The following CCM2 variants were observed in gnomAD, a reference collection of about 807,000 sequenced individuals.
CCM2 encodes the protein CCM2 scaffold protein.
Under a neutral mutation model 44.9 loss-of-function variants are expected in CCM2, and 25 were observed. That is an observed-to-expected ratio of 0.56 (90% CI 0.41 to 0.78). The LOEUF (loss-of-function observed/expected upper bound fraction) is 0.78. Ranked by LOEUF, CCM2 falls within the 30% of genes least tolerant of loss-of-function variation. CCM2 has a pLI of 0.00. For missense variants in CCM2, 481 were observed against 580.6 expected, an observed-to-expected ratio of 0.83 and a Z score of 1.76; for synonymous variants, 219 against 241.1, an observed-to-expected ratio of 0.91 and a Z score of 0.85.
rs397889020 is a variant in CCM2, at chr7:45,054,497, A to AC, written c.205-9420dup. On this transcript the variant is annotated intron_variant, in intron 2 of 9. Coordinates refer to ENST00000258781, the MANE Select transcript of CCM2 (RefSeq NM_031443.4). ...TTTAGGATCAATATTAAAAAAAAAA[A>AC]CACTTATATCTTGTCAGAAGTTGTT... 2.6e-5 allele frequency among the ~76,000 whole-genome samples: 4 copies of AC among 151,586 alleles called. No homozygotes were observed. In the South Asian group the frequency reaches 6.3e-4, roughly 24 times the overall value.
intron 2 of CCM2, among the ~76,000 whole-genome samples, chr7:45,054,473 T>G (rs1798159523): frequency 6.8e-6 from 1 of 146,132 alleles, no homozygotes; most frequent in Non-Finnish European, 1.5e-5. Flanking sequence ...GGAGACTGAT[T>G]TAGGATCAAT....
chr7:45,014,838 C>G (rs1209020621), intron 1 of CCM2, among the ~76,000 whole-genome samples: 3 of 149,340 alleles, frequency 2.0e-5, no homozygotes, highest in African/African-American at 2.5e-5. Flanking sequence ...GCCAGGCTGA[C>G]TGTGAACTCC....
chr7:45,073,296 C>G (rs765185386), intron 7 of CCM2, 164 bp from the exon 8 acceptor site: 8 of 651,790 alleles, frequency 1.2e-5, no homozygotes, highest in African/African-American at 1.8e-5. Flanking sequence ...AAGCTGACCA[C>G]CCTGCATGCC....
intron 8 of CCM2, 51 bp from the exon 9 acceptor site, chr7:45,074,219 C>T (rs141561098): frequency 2.0e-5 from 32 of 1,611,840 alleles, no homozygotes; most frequent in African/African-American, 1.1e-4. Flanking sequence ...GCCCGACTGC[C>T]GACTCTTGCC....
intron 1 of CCM2, among the ~76,000 whole-genome samples, chr7:45,011,795 G>A (rs117100603): frequency 0.016 from 2,481 of 152,220 alleles, 28 homozygotes; most frequent in Non-Finnish European, 0.024. Context: ...CAAGTGATCT[G>A]CCTGCCTTGG....
intron 4 of CCM2, among the ~76,000 whole-genome samples, chr7:45,067,455 G>T (rs535781489): frequency 6.6e-6 from 1 of 152,170 alleles, no homozygotes; most frequent in Non-Finnish European, 1.5e-5. Context: ...GAGCCACTGC[G>T]CCTGGCCAAT....
chr7:45,060,804 A>G (rs1263883446), intron 2 of CCM2, among the ~76,000 whole-genome samples: 3 of 152,044 alleles, frequency 2.0e-5, no homozygotes, highest in Non-Finnish European at 4.4e-5. Flanking sequence ...TAGGGTTTCC[A>G]TCTCTGCTTA....
chr7:45,011,542 G>A (rs1796067974), intron 1 of CCM2, among the ~76,000 whole-genome samples: 2 of 151,464 alleles, frequency 1.3e-5, no homozygotes, highest in Non-Finnish European at 2.9e-5. Context: ...ATTTTTTAAT[G>A]GTTGCTTTAT....
At chr7:45,011,710 C>T (rs1010787380) in intron 1 of CCM2, among the ~76,000 whole-genome samples, 3 of 152,028 alleles carry the variant, frequency 2.0e-5, no homozygotes, top group African/African-American at 7.2e-5. Context: ...CACCACTATG[C>T]CTGGCTAATT....
chr7:45,032,144 A>G (rs1156243525), intron 1 of CCM2, among the ~76,000 whole-genome samples: 1 of 152,174 alleles, frequency 6.6e-6, no homozygotes, highest in Non-Finnish European at 1.5e-5. Context: ...TCTTTACTTA[A>G]TAGTGTTAAT....
chr7:45,011,571 A>C (rs2128714242), intron 1 of CCM2, among the ~76,000 whole-genome samples: 1 of 151,142 alleles, frequency 6.6e-6, no homozygotes, highest in African/African-American at 2.4e-5. Context: ...TTATTTACTG[A>C]GATGGAGTCT....
rs564041000 is a variant in CCM2, at chr7:45,049,331, G to T, written c.204+10905G>T. ...AATTCAAATGATAACAGAGATTCTTGGTGAAAAGAAATCATGTGCACCCTC... is the reference window on the plus strand; with the variant it reads ...AATTCAAATGATAACAGAGATTCTTTGTGAAAAGAAATCATGTGCACCCTC... On this transcript the variant is annotated intron_variant, in intron 2 of 9. Transcript: ENST00000258781. Among the ~76,000 whole-genome samples, 89 of 152,214 alleles carry T rather than the reference G, an allele frequency of 5.8e-4. 1 individual carries two copies. Among genetic ancestry groups the T allele is most frequent in the African/African-American group, 1.9e-3 (80 of 41,496 alleles).
rs1797490945 is a variant in CCM2 at position 45,041,371 on chromosome 7, T to C, written c.204+2945T>C. 4.6e-5 allele frequency among the ~76,000 whole-genome samples: 7 copies of C among 152,308 alleles called. No homozygotes were observed. In the South Asian group the frequency reaches 1.5e-3, roughly 32 times the overall value. ...AAGTGCATCTAAAATCTAAAATCCTTGGACACTATATGCAATAACGTAAGA... is the reference window on the plus strand; with the variant it reads ...AAGTGCATCTAAAATCTAAAATCCTCGGACACTATATGCAATAACGTAAGA... On this transcript the variant is annotated intron_variant, in intron 2 of 9. Coordinates refer to ENST00000258781, the MANE Select transcript of CCM2 (RefSeq NM_031443.4).
intron 4 of CCM2, among the ~76,000 whole-genome samples, chr7:45,064,997 A>C (rs2128747985): frequency 6.6e-6 from 1 of 152,228 alleles, no homozygotes; most frequent in East Asian, 1.9e-4. Flanking sequence ...AGTGCAGTGG[A>C]TAGGGACCTC....
intron 1 of CCM2, among the ~76,000 whole-genome samples, chr7:45,002,705 G>A (rs1404793333): frequency 6.6e-6 from 1 of 152,112 alleles, no homozygotes; most frequent in Non-Finnish European, 1.5e-5. Context: ...AGCACATGTG[G>A]TGATGATGAC....
intron 2 of CCM2, 36 bp downstream of exon 2, chr7:45,038,462 A>G: frequency 6.2e-7 from 1 of 1,606,558 alleles, no homozygotes. Context: ...TGCCTGCCAA[A>G]CGACAGTGAC....
chr7:45,072,830 GC>G, intron 7 of CCM2, 47 bp downstream of exon 7: 1 of 1,497,126 alleles, frequency 6.7e-7, no homozygotes, highest in East Asian at 2.3e-5. Context: ...CGCACCAAAT[GC>G]GTTGTCTGGT....
intron 1 of CCM2, among the ~76,000 whole-genome samples, chr7:45,026,026 G>A (rs1022935566): frequency 1.3e-5 from 2 of 152,182 alleles, no homozygotes; most frequent in Non-Finnish European, 2.9e-5. Flanking sequence ...AGTGTTCAGA[G>A]CATGTGGGTT....
chr7:45,021,886 C>T (rs1796496798), intron 1 of CCM2, among the ~76,000 whole-genome samples: 1 of 152,150 alleles, frequency 6.6e-6, no homozygotes, highest in South Asian at 2.1e-4. Flanking sequence ...TCATTAGTGG[C>T]ATGTGAAATC....
Sources: allele counts gnomAD v4.1 joint callset (sites outside exome capture counted in the v4.1 genomes callset), GRCh38; gene constraint gnomAD v4.1.1; transcripts MANE v1.5; gene names NCBI Gene and HGNC (gene_info 2026-07-23, HGNC 2026-07-21).